The following FNBP1L variants were observed in gnomAD, a reference collection of about 807,000 sequenced individuals.
The protein encoded by FNBP1L is formin-binding protein 1-like.
FNBP1L carries 36 observed loss-of-function variants against 91.2 expected under a neutral mutation model. The observed-to-expected ratio is 0.39, with a 90% CI of 0.30 to 0.52. The LOEUF is 0.52. Among genes scored for constraint, FNBP1L ranks in the 20% least tolerant of loss-of-function variants. The probability of loss-of-function intolerance (pLI) is 0.66; values close to 1 mark genes in which losing one functional copy is unlikely to be tolerated. For synonymous variants in FNBP1L, 242 were observed against 237.0 expected (o/e 1.02, Z -0.19); for missense variants, 571 against 732.1 (o/e 0.78, Z 2.54).
At chr1:93,488,475 A>G (rs1223621095) in intron 1 of FNBP1L, 2 of 152,134 alleles carry the variant, frequency 1.3e-5, no homozygotes, top group African/African-American at 4.8e-5. Flanking sequence ...TTTAATCAAC[A>G]TGGAAACTCC....
intron 1 of FNBP1L, among the ~76,000 whole-genome samples, chr1:93,449,317 T>G (rs943130071): frequency 6.6e-6 from 1 of 152,054 alleles, no homozygotes; most frequent in Non-Finnish European, 1.5e-5. Flanking sequence ...CCGGGAGAAC[T>G]GGGGGCGTGG....
intron 2 of FNBP1L, among the ~76,000 whole-genome samples, chr1:93,509,829 CT>C (rs924774537): frequency 1.3e-5 from 2 of 152,332 alleles, no homozygotes; most frequent in African/African-American, 4.8e-5. Context: ...GTTCCCTTTC[CT>C]AGTCAAAGAA....
chr1:93,509,263 C>T (rs1042707203), intron 2 of FNBP1L, among the ~76,000 whole-genome samples: 5 of 152,116 alleles, frequency 3.3e-5, no homozygotes, highest in Non-Finnish European at 5.9e-5. Context: ...TGTGGTAACT[C>T]GAGGATCCAT....
At chr1:93,485,855 C>T (rs1196668330) in intron 1 of FNBP1L, among the ~76,000 whole-genome samples, 1 of 152,048 alleles carries the variant, frequency 6.6e-6, no homozygotes, top group Non-Finnish European at 1.5e-5. Flanking sequence ...TGCCACCACG[C>T]CTGGCTGATT....
chr1:93,533,316 A>G (rs1051234132), intron 8 of FNBP1L, among the ~76,000 whole-genome samples: 2 of 151,980 alleles, frequency 1.3e-5, no homozygotes, highest in African/African-American at 4.8e-5. Flanking sequence ...TTCAGTTCTT[A>G]TCAAAGAGTC....
At chr1:93,545,243 G>A (rs1174990322) in intron 12 of FNBP1L, among the ~76,000 whole-genome samples, 1 of 152,038 alleles carries the variant, frequency 6.6e-6, no homozygotes, top group Non-Finnish European at 1.5e-5. Context: ...TCAACAAAAA[G>A]CATAAAAATA....
At chr1:93,496,195 A>G (rs1346997555) in intron 1 of FNBP1L, among the ~76,000 whole-genome samples, 1 of 151,776 alleles carries the variant, frequency 6.6e-6, no homozygotes, top group African/African-American at 2.4e-5. Context: ...ACCTATTTAA[A>G]TATTAATTTT....
At chr1:93,506,909 T>G (rs1328932666) in intron 2 of FNBP1L, among the ~76,000 whole-genome samples, 1 of 152,148 alleles carries the variant, frequency 6.6e-6, no homozygotes, top group Non-Finnish European at 1.5e-5. Context: ...ATATATTTAA[T>G]ATCACATATA....
Position 93,552,941 on chromosome 1 carries a change from T to C in FNBP1L, c.*525T>C, listed in dbSNP as rs1557825770. ...CCTTGTTCTTGTCAAAGCCTTGTTTTGTTTTACATTTGTAGTGCAAATCAC... is the reference window on the plus strand; with the variant it reads ...CCTTGTTCTTGTCAAAGCCTTGTTTCGTTTTACATTTGTAGTGCAAATCAC... On this transcript the variant is annotated 3_prime_UTR_variant, in exon 17 of 17. Coordinates refer to ENST00000271234, the MANE Select transcript of FNBP1L (RefSeq NM_001164473.3). 6.6e-6 allele frequency: 1 copy of C among 152,578 alleles called. No individual in the cohort carries two copies. The highest frequency in any genetic ancestry group is 1.5e-5 in the Non-Finnish European group (1 of 68,306). 9.5% of individuals were successfully genotyped at this position (152,578 alleles called of 1,614,324 possible).
chr1:93,483,331 A>G (rs535892075), intron 1 of FNBP1L, among the ~76,000 whole-genome samples: 3 of 152,310 alleles, frequency 2.0e-5, no homozygotes, highest in South Asian at 2.1e-4. Context: ...AATGGTGCCT[A>G]GTTTATGTTG....
At chr1:93,515,142 C>T (rs950186656) in intron 2 of FNBP1L, among the ~76,000 whole-genome samples, 3 of 152,218 alleles carry the variant, frequency 2.0e-5, no homozygotes, top group Non-Finnish European at 4.4e-5. Context: ...GACATTTATG[C>T]AGCCAAAAAA....
intron 5 of FNBP1L, among the ~76,000 whole-genome samples, chr1:93,527,522 G>GGTTGC (rs1341265177): frequency 1.3e-5 from 2 of 152,092 alleles, no homozygotes; most frequent in African/African-American, 4.8e-5. Flanking sequence ...GGAATTCTCA[G>GGTTGC]AGCACAGGTT....
intron 2 of FNBP1L, among the ~76,000 whole-genome samples, chr1:93,511,958 T>A (rs1570823478): frequency 1.3e-5 from 1 of 75,448 alleles, no homozygotes; most frequent in African/African-American, 5.3e-5. Context: ...AGAGCGAGAC[T>A]CCGTCTCAAA....
intron 2 of FNBP1L, among the ~76,000 whole-genome samples, chr1:93,515,162 A>C (rs1375846420): frequency 2.6e-5 from 4 of 152,386 alleles, no homozygotes; most frequent in Middle Eastern, 3.4e-3. Flanking sequence ...ACACATGAAA[A>C]AATGCTCGCC....
intron 1 of FNBP1L, among the ~76,000 whole-genome samples, chr1:93,463,744 C>T (rs1213547649): frequency 2.6e-5 from 4 of 152,154 alleles, no homozygotes; most frequent in African/African-American, 9.7e-5. Flanking sequence ...TGATTATGTG[C>T]AGTTCCTTTG....
intron 1 of FNBP1L, 49 bp downstream of exon 1, chr1:93,448,354 C>G: frequency 2.0e-6 from 3 of 1,469,754 alleles, no homozygotes; most frequent in Non-Finnish European, 2.7e-6. Flanking sequence ...CCCTGAGAAG[C>G]GCGGGTTGGG....
In FNBP1L at chr1:93,489,128, G is replaced by A. The variant is rs548119086; in HGVS notation, c.25-10340G>A. ...CTTTTCTTTTTTCCAACTTTCTTCAGCAGCATGAGGAAGGGTTAGTAAAAA... is the reference window on the plus strand; with the variant it reads ...CTTTTCTTTTTTCCAACTTTCTTCAACAGCATGAGGAAGGGTTAGTAAAAA... On this transcript the variant is annotated intron_variant, in intron 1 of 16. Transcript: ENST00000271234. 1.2e-3 allele frequency among the ~76,000 whole-genome samples: 185 copies of A among 152,240 alleles called. 1 individual carries two copies. In the Middle Eastern group the frequency reaches 0.017, roughly 14 times the overall value.
At chr1:93,544,266 T>G (rs747983569) in intron 12 of FNBP1L, 50 bp downstream of exon 12, 32 of 1,303,334 alleles carry the variant, frequency 2.5e-5, no homozygotes, top group Non-Finnish European at 3.3e-5. Flanking sequence ...GGATCTACTT[T>G]GAGTGACGCC....
At chr1:93,485,720 GGA>G (rs771225176) in intron 1 of FNBP1L, among the ~76,000 whole-genome samples, 8 of 152,138 alleles carry the variant, frequency 5.3e-5, no homozygotes, top group Non-Finnish European at 1.2e-4. Context: ...TTTTTGAAGT[GGA>G]GTCTCTCTCT....
Sources: gnomAD v4.1 joint callset for allele counts (sites outside exome capture counted in the v4.1 genomes callset) on GRCh38, gnomAD v4.1.1 for gene constraint, MANE v1.5 for transcripts, NCBI Gene and HGNC (gene_info 2026-07-23, HGNC 2026-07-21) for gene names.